The following EML1 variants were observed in gnomAD, a reference collection of about 807,000 sequenced individuals.
The protein encoded by EML1 is EMAP like 1.
In EML1, 27 loss-of-function variants were observed where a neutral mutation model predicts 110.4. The ratio of observed to expected loss-of-function variants is 0.24; its 90% CI spans 0.18 to 0.34. EML1 has a LOEUF of 0.34. Ranked by LOEUF, EML1 falls within the 10% of genes least tolerant of loss-of-function variation. The pLI, the probability that EML1 is intolerant of heterozygous loss-of-function variation, is 1.00. For missense variants in EML1, 741 were observed against 1,030.9 expected, an observed-to-expected ratio of 0.72 and a Z score of 3.85; for synonymous variants, 344 against 385.8, an observed-to-expected ratio of 0.89 and a Z score of 1.27.
rs112870020 is a variant in EML1 at position 99,897,359 on chromosome 14, A to G, written c.827+65A>G. 4.7e-6 allele frequency: 7 copies of G among 1,498,500 alleles called. No individual in the cohort carries two copies. The East Asian group carries it at 7.3e-5, about 16-fold the overall frequency. 92.8% of individuals were successfully genotyped at this position (1,498,500 alleles called of 1,614,324 possible). On this transcript the variant is annotated intron_variant, in intron 7 of 21. Transcript: ENST00000262233. ...GAAGGTAGGAGGATCGCTTGAGGCC[A>G]GGAGTTCCAGACCATCCTGGGCAAC...
At chr14:99,920,484 C>T (rs2060111370) in intron 16 of EML1, among the ~76,000 whole-genome samples, 1 of 152,214 alleles carries the variant, frequency 6.6e-6, no homozygotes, top group Admixed American at 6.5e-5. Flanking sequence ...TAGGTATTGG[C>T]ATCTTCCCTG....
chr14:99,900,181 CTTT>C (rs3071437), intron 8 of EML1, among the ~76,000 whole-genome samples: 20,319 of 104,906 alleles, frequency 0.19, 1,006 homozygotes, highest in Non-Finnish European at 0.27. Flanking sequence ...ATATTAAGCT[CTTT>C]TTTTTTTTTT....
rs1198890041 is a variant in EML1, at chr14:99,806,316, CTTTTTTTTTTT to C, written c.67+12787_67+12797del. Reference sequence around the variant, plus strand: ...AGTTTTGGTATCCGATCTCCAGAATCTTTTTTTTTTTTTTTTTTTTTTTTGAGACATTCTTG... The same window carrying C: ...AGTTTTGGTATCCGATCTCCAGAATCTTTTTTTTTTTTTGAGACATTCTTG... On this transcript the variant is annotated intron_variant, in intron 1 of 21. Coordinates refer to ENST00000262233, the MANE Select transcript of EML1 (RefSeq NM_004434.3). 9.1e-5 allele frequency among the ~76,000 whole-genome samples: 8 copies of C among 87,774 alleles called. No homozygotes were observed. In the East Asian group the frequency reaches 1.8e-3, roughly 20 times the overall value. The allele number at this position is 87,774 out of a possible 152,430, so 57.6% of individuals were successfully genotyped here.
At chr14:99,874,345 T>C (rs983858689) in intron 3 of EML1, among the ~76,000 whole-genome samples, 2 of 152,202 alleles carry the variant, frequency 1.3e-5, no homozygotes, top group Non-Finnish European at 2.9e-5. Context: ...AGTGGTGATG[T>C]CTATGCATTT....
chr14:99,912,212 T>A (rs1049085697), intron 13 of EML1, among the ~76,000 whole-genome samples: 1 of 152,196 alleles, frequency 6.6e-6, no homozygotes, highest in African/African-American at 2.4e-5. Context: ...GCATGTTATT[T>A]TGGAGACATT....
At chr14:99,857,913 C>T (rs2058932127) in intron 2 of EML1, among the ~76,000 whole-genome samples, 1 of 152,120 alleles carries the variant, frequency 6.6e-6, no homozygotes, top group South Asian at 2.1e-4. Flanking sequence ...TTTAATGTTA[C>T]AGGATTCTTG....
At chr14:99,897,818 G>C (rs1381462095) in intron 7 of EML1, among the ~76,000 whole-genome samples, 1 of 152,166 alleles carries the variant, frequency 6.6e-6, no homozygotes, top group Admixed American at 6.5e-5. Flanking sequence ...ATCTTGGAAG[G>C]ATGGATGCGT....
chr14:99,887,152 T>G (rs547307393), intron 4 of EML1, among the ~76,000 whole-genome samples: 19 of 152,302 alleles, frequency 1.2e-4, no homozygotes, highest in African/African-American at 4.3e-4. Flanking sequence ...ATACAGCTGC[T>G]GGTCTGGTGA....
chr14:99,821,798 A>G (rs1308265390), intron 1 of EML1, among the ~76,000 whole-genome samples: 1 of 152,232 alleles, frequency 6.6e-6, no homozygotes, highest in African/African-American at 2.4e-5. Context: ...TCTAAAAATC[A>G]TTGAGATTAG....
At position 99,889,668 on chromosome 14, in the gene EML1, C is replaced by T. The variant is rs1186659376; in HGVS notation, c.519-1531C>T. On this transcript the variant is annotated intron_variant, in intron 4 of 21. Coordinates refer to ENST00000262233, the MANE Select transcript of EML1 (RefSeq NM_004434.3). ...TGGTCCAGGAGGGCCCATGAGCCAA[C>T]GCCTGACACGGAGCCTGCTGGGCCA... Among the ~76,000 whole-genome samples, 13 of 152,232 alleles carry T rather than the reference C, an allele frequency of 8.5e-5. No homozygotes were observed. The East Asian group carries it at 2.3e-3, about 27-fold the overall frequency.
chr14:99,765,130 G>A (rs1316657235), intron 1 of EML1, among the ~76,000 whole-genome samples: 3 of 151,992 alleles, frequency 2.0e-5, no homozygotes, highest in Non-Finnish European at 4.4e-5. Context: ...TTGTAGAGGT[G>A]GGGTCTTCTT....
intron 17 of EML1, among the ~76,000 whole-genome samples, chr14:99,930,682 C>T (rs937707230): frequency 3.9e-5 from 6 of 152,098 alleles, no homozygotes; most frequent in Admixed American, 2.6e-4. Context: ...ACATGCATGT[C>T]GAGAATCTTA....
chr14:99,862,374 C>T (rs780351182), intron 2 of EML1, among the ~76,000 whole-genome samples: 4 of 152,158 alleles, frequency 2.6e-5, no homozygotes, highest in Non-Finnish European at 4.4e-5. Context: ...CCCCCAACTT[C>T]GTCATGTGGC....
At position 99,914,273 on chromosome 14, in the gene EML1, C is replaced by G. The variant is rs535752275; in HGVS notation, c.1589C>G (p.Thr530Ser). 34 of 1,613,890 alleles carry G rather than the reference C, an allele frequency of 2.1e-5. No homozygotes were observed. In the East Asian group the frequency reaches 4.5e-4, roughly 21 times the overall value. Residue 530 changes from threonine to serine, a missense_variant, in exon 14 of 22, where the codon ACT becomes AGT. By Grantham distance (58) the Thr-to-Ser change is moderately conservative (BLOSUM62 1). Coordinates refer to ENST00000262233, the MANE Select transcript of EML1 (RefSeq NM_004434.3). ...GTTRNFVLQGTLSGDFTPITQ... is the reference protein window; with the variant it reads ...GTTRNFVLQGSLSGDFTPITQ... ...ACTCGAAACTTTGTCCTGCAGGGCA[C>G]TCTGTCAGGGGACTTCACACCCATT...
Position 99,940,415 on chromosome 14 carries a change from T to G in EML1, c.*303T>G, listed in dbSNP as rs916379907. 1 of 214,448 alleles carries G rather than the reference T, an allele frequency of 4.7e-6. No individual in the cohort carries two copies. Among genetic ancestry groups the G allele is most frequent in the African/African-American group, 2.3e-5 (1 of 43,812 alleles). 13.3% of individuals were successfully genotyped at this position (214,448 alleles called of 1,614,324 possible). A position where few individuals can be genotyped will look rare whatever the true frequency, so the allele number is the denominator to read the frequency against. ...TATTCTTAGTAACTTTTCTATGAAC[T>G]CTTCAAAAATGGTCACAGAATGCCT... On this transcript the variant is annotated 3_prime_UTR_variant, in exon 22 of 22. Coordinates refer to ENST00000262233, the MANE Select transcript of EML1 (RefSeq NM_004434.3).
intron 1 of EML1, among the ~76,000 whole-genome samples, chr14:99,810,338 T>A (rs542498016): frequency 6.6e-6 from 1 of 152,216 alleles, no homozygotes; most frequent in Non-Finnish European, 1.5e-5. Context: ...GTATCTGCCA[T>A]AAGAAGACCT....
chr14:99,912,379 C>CA (rs1362187039), intron 13 of EML1, among the ~76,000 whole-genome samples: 9 of 152,084 alleles, frequency 5.9e-5, no homozygotes. Flanking sequence ...GCACCAGAGG[C>CA]AAGATATTTA....
In EML1 at chr14:99,827,961, G is replaced by A. The variant is rs59088240; in HGVS notation, c.68-22892G>A. 0.084 allele frequency among the ~76,000 whole-genome samples: 12,733 copies of A among 152,178 alleles called. 976 individuals are homozygous for A. The highest frequency in any genetic ancestry group is 0.2 in the African/African-American group (8,500 of 41,482). ...CACTGTCTCTGCAGGATTCTTGCCT[G>A]TGAATGAAATGGAGGGAATTGAAGA... On this transcript the variant is annotated intron_variant, in intron 1 of 21. Transcript: ENST00000262233. The surrounding 1 kb of genome is among the most constrained non-coding windows in gnomAD (Gnocchi z 4.4).
At chr14:99,883,343 CA>C (rs2059419962) in intron 4 of EML1, 1 of 152,616 alleles carries the variant, frequency 6.6e-6, no homozygotes, top group Non-Finnish European at 1.5e-5. Flanking sequence ...CCAGCCTGGA[CA>C]ACATGGCAAG....
Sources: allele counts gnomAD v4.1 joint callset (sites outside exome capture counted in the v4.1 genomes callset), GRCh38; gene constraint gnomAD v4.1.1; non-coding constraint Gnocchi (gnomAD v3.1); transcripts MANE v1.5; gene names NCBI Gene and HGNC (gene_info 2026-07-23, HGNC 2026-07-21).